PRKAG2: variants seen among roughly 807,000 people sequenced by gnomAD.
The protein encoded by PRKAG2 is 5'-AMP-activated protein kinase subunit gamma-2.
In PRKAG2, 26 loss-of-function variants were observed where a neutral mutation model predicts 69.6. The observed-to-expected ratio is 0.37, with a 90% CI of 0.27 to 0.52. The LOEUF (loss-of-function observed/expected upper bound fraction) is 0.52. Ranked by LOEUF, PRKAG2 falls within the 20% of genes least tolerant of loss-of-function variation. The pLI, the probability that PRKAG2 is intolerant of heterozygous loss-of-function variation, is 0.90. For synonymous variants in PRKAG2, 293 were observed against 285.0 expected, an observed-to-expected ratio of 1.03 and a Z score of -0.28; for missense variants, 557 against 740.0, an observed-to-expected ratio of 0.75 and a Z score of 2.87.
At chr7:151,732,591 A>C (rs899550722) in intron 3 of PRKAG2, among the ~76,000 whole-genome samples, 2 of 152,238 alleles carry the variant, frequency 1.3e-5, no homozygotes, top group African/African-American at 4.8e-5. Flanking sequence ...AGCGGTTTTT[A>C]TGGAGAACCT....
chr7:151,826,099 C>G (rs552750904), intron 1 of PRKAG2, among the ~76,000 whole-genome samples: 1 of 152,130 alleles, frequency 6.6e-6, no homozygotes, highest in Non-Finnish European at 1.5e-5. Flanking sequence ...AAGCTGTGCA[C>G]CCACCACCGC....
chr7:151,603,196 A>G (rs1816603428), intron 5 of PRKAG2, among the ~76,000 whole-genome samples: 2 of 94,498 alleles, frequency 2.1e-5, no homozygotes, highest in African/African-American at 4.8e-5. Flanking sequence ...CTCCGTCCTC[A>G]CCGCACACGG....
At position 151,814,890 on chromosome 7, in the gene PRKAG2, C is replaced by T. The variant is rs1291123259; in HGVS notation, c.115-28349G>A. 8.1e-7 allele frequency: 1 copy of T among 1,231,280 alleles called. No individual in the cohort carries two copies. The highest frequency in any genetic ancestry group is 1.6e-5 in the African/African-American group (1 of 64,420). 76.3% of individuals were successfully genotyped at this position (1,231,280 alleles called of 1,614,324 possible). On this transcript the variant is annotated intron_variant, in intron 1 of 15. Coordinates refer to ENST00000287878, the MANE Select transcript of PRKAG2 (RefSeq NM_016203.4). The surrounding 1 kb of genome is among the most constrained non-coding windows in gnomAD (Gnocchi z 4.8). ...GGAAACTCCTTACCACACAGCAAGC[C>T]AGCAGGAGGGAGGGCTGGACCGGAG...
In PRKAG2 at chr7:151,614,857, C is replaced by T. The variant is rs574401821; in HGVS notation, c.754+17212G>A. Among the ~76,000 whole-genome samples, 3 of 152,348 alleles carry T rather than the reference C, an allele frequency of 2.0e-5. No homozygotes were observed. The highest frequency in any genetic ancestry group is 7.2e-5 in the African/African-American group (3 of 41,578). On this transcript the variant is annotated intron_variant, in intron 5 of 15. Transcript: ENST00000287878. This position sits in a 1 kb window ranked among gnomAD's most constrained non-coding sequence, Gnocchi z 4.4. ...ACTGGGCTCTCAGCCCCAGTCTCCT[C>T]ACCTTTACACTGGAACAAAAGAGCC...
At chr7:151,636,773 C>A (rs1825809360) in intron 4 of PRKAG2, among the ~76,000 whole-genome samples, 1 of 152,128 alleles carries the variant, frequency 6.6e-6, no homozygotes, top group South Asian at 2.1e-4. Flanking sequence ...AGCGCGATTT[C>A]AGCTCACTGC....
At chr7:151,753,955 G>A (rs974883264) in intron 3 of PRKAG2, among the ~76,000 whole-genome samples, 2 of 152,158 alleles carry the variant, frequency 1.3e-5, no homozygotes, top group Non-Finnish European at 2.9e-5. Flanking sequence ...AATCGCTTGA[G>A]TTGCAGTGAA....
At position 151,783,181 on chromosome 7, in the gene PRKAG2, C is replaced by T. The variant is rs774339059; in HGVS notation, c.187-1750G>A. ...GTGGACCCGCGCAGCACAGCCTCCCCGCGCGGCCTCTCCAGCCGAAAGAGC... is the reference window on the plus strand; with the variant it reads ...GTGGACCCGCGCAGCACAGCCTCCCTGCGCGGCCTCTCCAGCCGAAAGAGC... On this transcript the variant is annotated intron_variant, in intron 2 of 15. Transcript: ENST00000287878. Among the ~76,000 whole-genome samples the T allele has an allele frequency of 2.3e-3, 352 of 152,344 alleles. 1 individual carries two copies. The highest frequency in any genetic ancestry group is 2.9e-3 in the Non-Finnish European group (198 of 68,028).
intron 3 of PRKAG2, among the ~76,000 whole-genome samples, chr7:151,711,019 G>T (rs1364450298): frequency 6.6e-6 from 1 of 152,096 alleles, no homozygotes; most frequent in African/African-American, 2.4e-5. Flanking sequence ...ACATGCTAGG[G>T]TTAGAGTACT....
At chr7:151,569,912 C>G (rs147568182) in intron 10 of PRKAG2, among the ~76,000 whole-genome samples, 25 of 152,318 alleles carry the variant, frequency 1.6e-4, no homozygotes, top group African/African-American at 5.8e-4. Flanking sequence ...AATTTCAACA[C>G]GCCCCCCAGA....
At chr7:151,784,879 T>C (rs11975504) in intron 2 of PRKAG2, among the ~76,000 whole-genome samples, 25,190 of 152,170 alleles carry the variant, frequency 0.17, 4,483 homozygotes, top group African/African-American at 0.45. Context: ...CTGGGCCCTG[T>C]CTGACCCCTC....
Position 151,748,629 on chromosome 7 carries a change from G to A in PRKAG2, c.466+32523C>T, listed in dbSNP as rs190589833. Among the ~76,000 whole-genome samples, 9 of 152,188 alleles carry A rather than the reference G, an allele frequency of 5.9e-5. No homozygotes were observed. In the East Asian group the frequency reaches 1.5e-3, roughly 26 times the overall value. ...GAATGTTTGGTTTTTTTAACCATGC[G>A]ATTGAACTACTTCACTGAAAATTAA... is the stretch of plus-strand genomic sequence containing the variant. On this transcript the variant is annotated intron_variant, in intron 3 of 15. Coordinates refer to ENST00000287878, the MANE Select transcript of PRKAG2 (RefSeq NM_016203.4).
chr7:151,726,371 GACACACACAC>G (rs60238080), intron 3 of PRKAG2, among the ~76,000 whole-genome samples: 1 of 148,284 alleles, frequency 6.7e-6, no homozygotes, highest in East Asian at 2.0e-4. Context: ...AGGGAGGCAG[GACACACACAC>G]ACACACACAC....
chr7:151,557,827 A>G (rs1804084018), intron 15 of PRKAG2: 3 of 810,298 alleles, frequency 3.7e-6, no homozygotes, highest in Non-Finnish European at 3.0e-6. Context: ...CCGAGAGATC[A>G]TGCCATTGCA....
chr7:151,853,677 G>A (rs1000350906), intron 1 of PRKAG2, among the ~76,000 whole-genome samples: 11 of 151,244 alleles, frequency 7.3e-5, no homozygotes, highest in African/African-American at 1.9e-4. Context: ...GGAGAATGGC[G>A]TGAACCCGGG....
At position 151,875,755 on chromosome 7, in the gene PRKAG2, C is replaced by T. The variant is rs1057425472; in HGVS notation, c.114+752G>A. Among the ~76,000 whole-genome samples the T allele has an allele frequency of 6.6e-5, 10 of 152,222 alleles. No individual in the cohort carries two copies. The East Asian group carries it at 1.9e-3, about 30-fold the overall frequency. On this transcript the variant is annotated intron_variant, in intron 1 of 15. Coordinates refer to ENST00000287878, the MANE Select transcript of PRKAG2 (RefSeq NM_016203.4). ...GCCTTCCGAAAAGAGAACCACTACG[C>T]GGCCCGCCGCCCCTCTGGCTGGACA...
chr7:151,775,630 C>A (rs2076302763), intron 3 of PRKAG2, among the ~76,000 whole-genome samples: 1 of 152,226 alleles, frequency 6.6e-6, no homozygotes. Flanking sequence ...CTTCTAGCAG[C>A]CAGTGCAGAC....
At chr7:151,577,739 T>C (rs1809325141) in intron 6 of PRKAG2, among the ~76,000 whole-genome samples, 1 of 151,956 alleles carries the variant, frequency 6.6e-6, no homozygotes, top group Admixed American at 6.6e-5. Flanking sequence ...ACAAAACTTA[T>C]CAAATACTAG....
intron 6 of PRKAG2, among the ~76,000 whole-genome samples, chr7:151,587,873 G>GTATCAA (rs1489253493): frequency 6.6e-6 from 1 of 152,174 alleles, no homozygotes; most frequent in Admixed American, 6.5e-5. Flanking sequence ...AAATAACCAT[G>GTATCAA]TATCAATATT....
chr7:151,772,052 T>C (rs2076046790), intron 3 of PRKAG2, among the ~76,000 whole-genome samples: 1 of 152,220 alleles, frequency 6.6e-6, no homozygotes, highest in Non-Finnish European at 1.5e-5. Flanking sequence ...GTTTACACTC[T>C]GGTGGGGAGA....
Sources: allele counts gnomAD v4.1 joint callset (sites outside exome capture counted in the v4.1 genomes callset), GRCh38; gene constraint gnomAD v4.1.1; non-coding constraint Gnocchi (gnomAD v3.1); transcripts MANE v1.5; gene names NCBI Gene and HGNC (gene_info 2026-07-23, HGNC 2026-07-21).